The following TDRD10 variants were observed in gnomAD, a reference collection of about 807,000 sequenced individuals.
TDRD10 encodes the protein tudor domain containing 10.
TDRD10 carries 40 observed loss-of-function variants against 48.0 expected under a neutral mutation model. The observed-to-expected ratio is 0.83, with a 90% CI of 0.65 to 1.09. The LOEUF (loss-of-function observed/expected upper bound fraction) is 1.09. Ranked by LOEUF, TDRD10 falls within the 50% of genes least tolerant of loss-of-function variation. TDRD10 has a pLI of 0.00. For missense variants in TDRD10, 378 were observed against 434.7 expected, an observed-to-expected ratio of 0.87 and a Z score of 1.16; for synonymous variants, 162 against 170.4, an observed-to-expected ratio of 0.95 and a Z score of 0.38.
chr1:154,535,524 CA>C (rs1694876654), intron 6 of TDRD10, among the ~76,000 whole-genome samples: 1 of 151,916 alleles, frequency 6.6e-6, no homozygotes, highest in African/African-American at 2.4e-5. Flanking sequence ...ACCCTGTCGA[CA>C]AAAAATGTGC....
intron 12 of TDRD10, 82 bp from the exon 13 acceptor site, chr1:154,547,596 A>G: frequency 2.5e-6 from 4 of 1,614,194 alleles, no homozygotes; most frequent in East Asian, 2.2e-5. Context: ...TTTTAGATCA[A>G]ACGAACTGGT....
At chr1:154,541,411 C>T (rs977638822) in intron 6 of TDRD10, among the ~76,000 whole-genome samples, 2 of 151,846 alleles carry the variant, frequency 1.3e-5, no homozygotes, top group Non-Finnish European at 2.9e-5. Flanking sequence ...AAGGAGAGGA[C>T]GTGAGGTCCT....
At chr1:154,543,539 G>C (rs769499609) in intron 8 of TDRD10, among the ~76,000 whole-genome samples, 3 of 152,224 alleles carry the variant, frequency 2.0e-5, no homozygotes, top group Non-Finnish European at 4.4e-5. Context: ...TTTGGAATGT[G>C]CGTAGACGCA....
chr1:154,505,751 T>TTG (rs1693113690), intron 1 of TDRD10, among the ~76,000 whole-genome samples: 1 of 151,500 alleles, frequency 6.6e-6, no homozygotes, highest in South Asian at 2.1e-4. Context: ...TCCTTGAGCT[T>TTG]TGGTTTTCTC....
intron 4 of TDRD10, among the ~76,000 whole-genome samples, chr1:154,511,081 CAT>C (rs1693445103): frequency 6.6e-6 from 1 of 151,018 alleles, no homozygotes; most frequent in South Asian, 2.1e-4. Flanking sequence ...ATAATATTTA[CAT>C]ATCTTAAAAT....
At chr1:154,538,611 T>A (rs1174032820) in intron 6 of TDRD10, among the ~76,000 whole-genome samples, 2 of 148,114 alleles carry the variant, frequency 1.4e-5, no homozygotes, top group African/African-American at 5.0e-5. Flanking sequence ...CCCAGCACTT[T>A]GGGAGGCTGA....
intron 6 of TDRD10, among the ~76,000 whole-genome samples, chr1:154,536,748 T>C (rs1694943018): frequency 6.6e-6 from 1 of 152,208 alleles, no homozygotes; most frequent in East Asian, 1.9e-4. Context: ...GTCCTGTAAA[T>C]GGCATCAGGC....
intron 6 of TDRD10, among the ~76,000 whole-genome samples, chr1:154,529,154 G>A (rs1350902206): frequency 1.3e-5 from 2 of 151,712 alleles, no homozygotes; most frequent in East Asian, 1.9e-4. Context: ...ATCTCAGCTC[G>A]CTGCAACCTC....
intron 11 of TDRD10, among the ~76,000 whole-genome samples, chr1:154,546,425 ATATT>A (rs1453243605): frequency 6.8e-6 from 1 of 147,052 alleles, no homozygotes; most frequent in Non-Finnish European, 1.5e-5. Context: ...TATTACGTAT[ATATT>A]ATATATATCA....
intron 11 of TDRD10, among the ~76,000 whole-genome samples, chr1:154,546,906 T>A (rs898880563): frequency 1.3e-5 from 2 of 152,140 alleles, no homozygotes; most frequent in African/African-American, 4.8e-5. Flanking sequence ...GTGTCATACA[T>A]ACAAACAGTC....
intron 8 of TDRD10, among the ~76,000 whole-genome samples, chr1:154,543,198 C>G (rs1393176476): frequency 6.6e-6 from 1 of 152,070 alleles, no homozygotes; most frequent in African/African-American, 2.4e-5. Flanking sequence ...TCACTTGAAC[C>G]CAGGAGGCAG....
At chr1:154,509,472 A>C (rs1461140363) in intron 4 of TDRD10, among the ~76,000 whole-genome samples, 2 of 152,156 alleles carry the variant, frequency 1.3e-5, no homozygotes, top group South Asian at 4.1e-4. Context: ...TGAGGCAGCC[A>C]AGGCTCTGAG....
At chr1:154,539,392 C>A (rs1328849824) in intron 6 of TDRD10, among the ~76,000 whole-genome samples, 1 of 152,096 alleles carries the variant, frequency 6.6e-6, no homozygotes, top group Non-Finnish European at 1.5e-5. Flanking sequence ...ACCTCCGCCT[C>A]CCCGGGTTCA....
intron 6 of TDRD10, among the ~76,000 whole-genome samples, chr1:154,536,707 TC>T (rs1694939080): frequency 6.6e-6 from 1 of 152,106 alleles, no homozygotes; most frequent in Non-Finnish European, 1.5e-5. Flanking sequence ...CTGTTGTCCA[TC>T]CTTTCGATGA....
At position 154,507,228 on chromosome 1, in the gene TDRD10, CT is replaced by C; in HGVS notation, c.3-12del. On this transcript the variant is annotated splice_polypyrimidine_tract_variant and intron_variant, in intron 2 of 12. Coordinates refer to ENST00000368482, the MANE Select transcript of TDRD10 (RefSeq NM_182499.4). ...AGCTTGGGAGGTTCGATGCTGACAC[CT>C]GTGTTTGACAGGTCCTGGAACATTA... 6.2e-7 allele frequency: 1 copy of C among 1,613,922 alleles called. No homozygotes were observed. Among genetic ancestry groups the C allele is most frequent in the Non-Finnish European group, 8.5e-7 (1 of 1,179,990 alleles).
At chr1:154,546,464 A>G (rs896609520) in intron 11 of TDRD10, among the ~76,000 whole-genome samples, 1 of 144,684 alleles carries the variant, frequency 6.9e-6, no homozygotes, top group African/African-American at 2.5e-5. Flanking sequence ...TATATTATGT[A>G]ACATATATAA....
chr1:154,528,523 C>G (rs1420719156), intron 6 of TDRD10, among the ~76,000 whole-genome samples: 1 of 151,390 alleles, frequency 6.6e-6, no homozygotes, highest in Non-Finnish European at 1.5e-5. Context: ...CTGCACCCTG[C>G]CAAAAAAAAT....
chr1:154,542,755 C>T lies in TDRD10; in HGVS notation c.437C>T (p.Ala146Val). 6.2e-7 allele frequency: 1 copy of T among 1,613,902 alleles called. No individual in the cohort carries two copies. Among genetic ancestry groups the T allele is most frequent in the Non-Finnish European group, 8.5e-7 (1 of 1,179,878 alleles). ...TAAIIQLAPK[A>V]PVDLCETEKL... ...GCTATTATACAGCTCGCTCCTAAAG[C>T]TCCTGTTGACCTGTGTGAGACAGAG... The change falls in exon 8 of 13, where the codon GCT becomes GTT. Residue 146 changes from alanine to valine, a missense_variant. Coordinates refer to ENST00000368482, the MANE Select transcript of TDRD10 (RefSeq NM_182499.4).
chr1:154,526,850 A>C (rs538745999), intron 6 of TDRD10, among the ~76,000 whole-genome samples: 63 of 152,188 alleles, frequency 4.1e-4, no homozygotes, highest in African/African-American at 1.5e-3. Flanking sequence ...CGGCCTCCCA[A>C]AGTGCTGGGA....
Sources: allele counts gnomAD v4.1 joint callset (sites outside exome capture counted in the v4.1 genomes callset), GRCh38; gene constraint gnomAD v4.1.1; transcripts MANE v1.5; gene names NCBI Gene and HGNC (gene_info 2026-07-23, HGNC 2026-07-21).